The following BCL3 variants were observed in gnomAD, a reference collection of about 807,000 sequenced individuals.
BCL3 encodes the protein BCL3 transcription coactivator.
A neutral mutation model predicts 35.7 loss-of-function variants in BCL3; 15 were observed. The ratio of observed to expected loss-of-function variants is 0.42; its 90% CI spans 0.28 to 0.65. The LOEUF is 0.65. BCL3 is among the 30% of genes least tolerant of loss of function. The probability of loss-of-function intolerance (pLI) is 0.22; values close to 1 mark genes in which losing one functional copy is unlikely to be tolerated. For missense variants in BCL3, 565 were observed against 641.7 expected (o/e 0.88, Z 1.29); for synonymous variants, 311 against 284.3 (o/e 1.09, Z -0.95).
At chr19:44,747,913 A>G (rs1967095546), upstream of BCL3, 3 of 1,175,612 alleles carry the variant, frequency 2.6e-6, no homozygotes, top group South Asian at 5.2e-5. Flanking sequence ...CAGAGACACA[A>G]TCAGTGGAGC....
chr19:44,750,135 G>A (rs900297586), intron 1 of BCL3, among the ~76,000 whole-genome samples: 3 of 152,130 alleles, frequency 2.0e-5, no homozygotes, highest in East Asian at 1.9e-4. Context: ...CCCCATCAGC[G>A]TGACAGCTGG....
chr19:44,755,247 A>T (rs1052474585), intron 2 of BCL3: 2 of 152,320 alleles, frequency 1.3e-5, no homozygotes, highest in Non-Finnish European at 2.9e-5. Context: ...CACCTGTGGG[A>T]TGAAGGAAGC....
intron 7 of BCL3, 95 bp from the exon 8 acceptor site, chr19:44,758,629 G>T: frequency 7.7e-7 from 1 of 1,294,560 alleles, no homozygotes; most frequent in Non-Finnish European, 1.1e-6. Context: ...ACTGAGAAGT[G>T]GAGAGGCCAC....
chr19:44,756,551 T>G (rs60407122), intron 3 of BCL3, among the ~76,000 whole-genome samples: 9 of 72,422 alleles, frequency 1.2e-4, no homozygotes, highest in African/African-American at 3.7e-4. Flanking sequence ...GAGGGCTGGG[T>G]CCTGGGCTCC....
chr19:44,748,458 C>A (rs1390541734), upstream of BCL3: 1 of 155,064 alleles, frequency 6.4e-6, no homozygotes. Flanking sequence ...CGCCTCCTCT[C>A]CCCCCACCCC....
intron 1 of BCL3, among the ~76,000 whole-genome samples, chr19:44,750,839 A>G (rs945828226): frequency 6.6e-6 from 1 of 152,018 alleles, no homozygotes; most frequent in Non-Finnish European, 1.5e-5. Context: ...ACTCTCCCCA[A>G]ACCCACTCTA....
At position 44,757,404 on chromosome 19, in the gene BCL3, A is replaced by T. The variant is rs765996938; in HGVS notation, c.802A>T (p.Ile268Phe). The T allele has an allele frequency of 3.1e-6, 5 of 1,598,640 alleles. No individual in the cohort carries two copies. The highest frequency in any genetic ancestry group is 4.3e-6 in the Non-Finnish European group (5 of 1,173,058). The change falls in exon 5 of 9, where the codon ATC (isoleucine) becomes TTC (phenylalanine). Residue 268 changes from isoleucine (I) to phenylalanine (F), a missense_variant. By Grantham distance (21) the Ile-to-Phe change is conservative. Transcript: ENST00000164227. This position sits in a 1 kb window ranked among gnomAD's most constrained non-coding sequence, Gnocchi z 8.4. ...GCTCTTGCTAGAGCGCGGTGCCGAC[A>T]TCGACGCAGTGGTGAGCGTGCACTA... ...VQLLLERGADIDAVDIKSGRS... is the reference protein window; with the variant it reads ...VQLLLERGADFDAVDIKSGRS...
Position 44,757,187 on chromosome 19 carries a change from G to T in BCL3, c.690G>T (p.Pro230=). 1 of 1,567,120 alleles carries T rather than the reference G, an allele frequency of 6.4e-7. No individual in the cohort carries two copies. Among genetic ancestry groups the T allele is most frequent in the East Asian group, 2.4e-5 (1 of 42,016 alleles). The change falls in exon 4 of 9, where the codon CCG becomes CCT. Residue 230 remains proline, a synonymous_variant. Transcript: ENST00000164227. This position sits in a 1 kb window ranked among gnomAD's most constrained non-coding sequence, Gnocchi z 8.4. ...GAGCCCTGCTGGACAGCGCAGCTCC[G>T]GGCACGTTGGACCTGGAGGCCCGCA... ...CLRALLDSAA[P]GTLDLEARNY...
At chr19:44,753,761 AT>A (rs1294742504) in intron 2 of BCL3, among the ~76,000 whole-genome samples, 1 of 122,024 alleles carries the variant, frequency 8.2e-6, no homozygotes, top group Non-Finnish European at 1.6e-5. Flanking sequence ...GCCTTGGGGC[AT>A]TTGGACCCCC....
In BCL3 at chr19:44,756,989, C is replaced by A. The variant is rs1256018276; in HGVS notation, c.520-28C>A. 4 of 1,574,000 alleles carry A rather than the reference C, an allele frequency of 2.5e-6. No individual in the cohort carries two copies. The African/African-American group carries it at 5.4e-5, about 21-fold the overall frequency. ...CAGGACTAGAGAGCAGGGCTGGACA[C>A]AGGTCCCTCACAGTCACTGTTCCCC... is the stretch of plus-strand genomic sequence containing the variant. On this transcript the variant is annotated intron_variant, in intron 3 of 8. Transcript: ENST00000164227.
upstream of BCL3, chr19:44,748,252 GACAGAGACGGA>G (rs1184520742): frequency 8.7e-5 from 37 of 427,364 alleles, no homozygotes; most frequent in East Asian, 2.0e-3. Flanking sequence ...AAAAGAGAGA[GACAGAGACGGA>G]ACAGAGCACA....
chr19:44,756,928 G>A, intron 3 of BCL3, 89 bp from the exon 4 acceptor site: 1 of 1,256,446 alleles, frequency 8.0e-7, no homozygotes, highest in Non-Finnish European at 1.1e-6. Flanking sequence ...GAAGACTGCA[G>A]GATGAGGAAT....
chr19:44,757,560 C>A lies in BCL3; in HGVS notation c.814-86C>A. On this transcript the variant is annotated intron_variant, in intron 5 of 8. Coordinates refer to ENST00000164227, the MANE Select transcript of BCL3 (RefSeq NM_005178.5). This position sits in a 1 kb window ranked among gnomAD's most constrained non-coding sequence, Gnocchi z 8.4. ...ATCAGACCCAAGAGAGAGGCTGGACCCCGCGAATGGGATGTGGACGGGATG... is the reference window on the plus strand; with the variant it reads ...ATCAGACCCAAGAGAGAGGCTGGACACCGCGAATGGGATGTGGACGGGATG... 3 of 1,549,936 alleles carry A rather than the reference C, an allele frequency of 1.9e-6. No homozygotes were observed. Among genetic ancestry groups the A allele is most frequent in the Non-Finnish European group, 8.9e-7 (1 of 1,127,342 alleles).
Position 44,759,867 on chromosome 19 carries a change from A to C in BCL3, c.*252A>C. ...AGTCCCTGTCCGGAATGCCACCCAC[A>C]TCTTCCATTTCCATGTCCCCTCCCA... On this transcript the variant is annotated 3_prime_UTR_variant, in exon 9 of 9. Coordinates refer to ENST00000164227, the MANE Select transcript of BCL3 (RefSeq NM_005178.5). 1.9e-4 allele frequency: 73 copies of C among 389,332 alleles called. No individual in the cohort carries two copies. Among genetic ancestry groups the C allele is most frequent in the East Asian group, 4.4e-4 (10 of 22,692 alleles). The allele number at this position is 389,332 out of a possible 1,614,324, so 24.1% of individuals were successfully genotyped here.
rs1263628660 is a variant in BCL3, at chr19:44,749,054, GC to G, written c.256+13del. The G allele has an allele frequency of 6.1e-6, 8 of 1,307,436 alleles. No individual in the cohort carries two copies. Among genetic ancestry groups the G allele is most frequent in the South Asian group, 3.7e-5 (2 of 54,182 alleles). 81.0% of individuals were successfully genotyped at this position (1,307,436 alleles called of 1,614,324 possible). On this transcript the variant is annotated intron_variant, in intron 1 of 8. Transcript: ENST00000164227. Reference sequence around the variant, plus strand: ...AGGCGCTTTACTACCCCGGTGAGTGGCCCCCGAGGGTCCGGGCCGGGTGGGA... The same window carrying G: ...AGGCGCTTTACTACCCCGGTGAGTGGCCCCGAGGGTCCGGGCCGGGTGGGA...
At chr19:44,755,562 C>G (rs958161277) in intron 2 of BCL3, 1 of 152,250 alleles carries the variant, frequency 6.6e-6, no homozygotes, top group Non-Finnish European at 1.5e-5. Context: ...CTGGACTGTA[C>G]CGCCTCCAGA....
At chr19:44,754,501 AC>A (rs1967244522) in intron 2 of BCL3, among the ~76,000 whole-genome samples, 1 of 151,974 alleles carries the variant, frequency 6.6e-6, no homozygotes, top group Non-Finnish European at 1.5e-5. Context: ...CGCCCAGCAG[AC>A]CTGTTACTGG....
chr19:44,755,321 A>C (rs1967260341), intron 2 of BCL3: 1 of 152,310 alleles, frequency 6.6e-6, no homozygotes, highest in Non-Finnish European at 1.5e-5. Flanking sequence ...GCTGTCCCAC[A>C]GGGAATATTG....
In BCL3 at chr19:44,756,263, C is replaced by T; in HGVS notation, c.442C>T (p.Leu148=). The change falls in exon 3 of 9, where the codon CTG becomes TTG. Residue 148 remains leucine (L), a synonymous_variant. Coordinates refer to ENST00000164227, the MANE Select transcript of BCL3 (RefSeq NM_005178.5). ...CCATATTGCTGTGGTGCAGGGTAAC[C>T]TGCCAGCTGTGCACCGGCTGGTCAA... ...PLHIAVVQGN[L]PAVHRLVNLF... is the part of the protein sequence containing the mutation. 1.3e-6 allele frequency: 2 copies of T among 1,552,652 alleles called. No individual in the cohort carries two copies. Among genetic ancestry groups the T allele is most frequent in the Non-Finnish European group, 1.7e-6 (2 of 1,146,278 alleles).
Sources: gnomAD v4.1 joint callset for allele counts (sites outside exome capture counted in the v4.1 genomes callset) on GRCh38, gnomAD v4.1.1 for gene constraint, Gnocchi (gnomAD v3.1) non-coding constraint, MANE v1.5 for transcripts, NCBI Gene and HGNC (gene_info 2026-07-23, HGNC 2026-07-21) for gene names.